Variants in FOXJ3 observed in about 807,000 individuals in gnomAD.
FOXJ3 encodes forkhead box J3, also known as forkhead box protein J3.
FOXJ3 carries 22 observed loss-of-function variants against 76.1 expected under a neutral mutation model. The observed-to-expected ratio is 0.29, with a 90% CI of 0.21 to 0.41. FOXJ3 has a LOEUF of 0.41. Among genes scored for constraint, FOXJ3 ranks in the 10% least tolerant of loss-of-function variants. FOXJ3 has a pLI of 1.00. For synonymous variants in FOXJ3, 269 were observed against 261.2 expected (o/e 1.03, Z -0.29); for missense variants, 613 against 762.1 (o/e 0.80, Z 2.30).
intron 4 of FOXJ3, among the ~76,000 whole-genome samples, chr1:42,257,270 A>G (rs953430878): frequency 6.6e-6 from 1 of 152,230 alleles, no homozygotes; most frequent in Non-Finnish European, 1.5e-5. Flanking sequence ...CCAAAAATCA[A>G]TCAAGATACC....
Position 42,278,458 on chromosome 1 carries a change from T to C in FOXJ3, c.259A>G (p.Ile87Val). The change falls in exon 3 of 13, where the codon ATT (isoleucine) becomes GTT (valine). Residue 87 changes from isoleucine to valine, a missense_variant. Ile to Val is a conservative substitution (Grantham distance 29). Around this residue, in one of 3 missense-constraint regions of FOXJ3, gnomAD observed 77 missense variants for 115.1 expected, o/e 0.67. Coordinates refer to ENST00000361346, the MANE Select transcript of FOXJ3 (RefSeq NM_014947.5). ...GKPPYSYASL[I>V]TFAINSSPKK... ...GGTGAGCTATTAATTGCAAATGTAATGAGGCTGGCATAACTGTATGGAGGT... is the reference window on the plus strand; with the variant it reads ...GGTGAGCTATTAATTGCAAATGTAACGAGGCTGGCATAACTGTATGGAGGT... 1 of 1,614,056 alleles carries C rather than the reference T, an allele frequency of 6.2e-7. No homozygotes were observed. Among genetic ancestry groups the C allele is most frequent in the Non-Finnish European group, 8.5e-7 (1 of 1,179,880 alleles).
intron 8 of FOXJ3, among the ~76,000 whole-genome samples, chr1:42,192,822 T>TA (rs572033162): frequency 6.6e-6 from 1 of 151,182 alleles, no homozygotes; most frequent in African/African-American, 2.4e-5. Context: ...TTAAAAAAGA[T>TA]AAAATTATTC....
At chr1:42,298,162 G>A (rs556986530) in intron 2 of FOXJ3, among the ~76,000 whole-genome samples, 6 of 152,290 alleles carry the variant, frequency 3.9e-5, no homozygotes, top group Admixed American at 1.3e-4. Context: ...GCCGCCATGT[G>A]AAGAACATGT....
At chr1:42,289,951 G>A (rs538669885) in intron 2 of FOXJ3, among the ~76,000 whole-genome samples, 22 of 152,182 alleles carry the variant, frequency 1.4e-4, no homozygotes, top group African/African-American at 5.3e-4. Context: ...GGGGTAAGTA[G>A]AGAAAGCTGG....
intron 4 of FOXJ3, among the ~76,000 whole-genome samples, chr1:42,230,971 A>G (rs1056075681): frequency 3.3e-5 from 5 of 152,158 alleles, no homozygotes; most frequent in Admixed American, 3.3e-4. Context: ...ATAAATGGAT[A>G]AACAAATATG....
At chr1:42,238,957 G>A (rs754200509) in intron 4 of FOXJ3, among the ~76,000 whole-genome samples, 20 of 152,282 alleles carry the variant, frequency 1.3e-4, no homozygotes, top group Non-Finnish European at 2.6e-4. Flanking sequence ...CATTCATGTA[G>A]ATCTGCCCTT....
intron 1 of FOXJ3, among the ~76,000 whole-genome samples, chr1:42,314,835 TC>T (rs1277111082): frequency 1.3e-5 from 2 of 152,210 alleles, no homozygotes; most frequent in Non-Finnish European, 2.9e-5. Flanking sequence ...ATTTAAATGT[TC>T]CTACAAAAAC....
At chr1:42,291,754 T>C (rs937846725) in intron 2 of FOXJ3, among the ~76,000 whole-genome samples, 7 of 152,198 alleles carry the variant, frequency 4.6e-5, no homozygotes, top group African/African-American at 1.7e-4. Flanking sequence ...TACTCCAGCC[T>C]GGGCAACAAA....
chr1:42,210,694 G>C (rs968532945), intron 5 of FOXJ3, among the ~76,000 whole-genome samples: 1 of 152,074 alleles, frequency 6.6e-6, no homozygotes, highest in Non-Finnish European at 1.5e-5. Flanking sequence ...ATCTCAAGGA[G>C]ATTTCCTTGA....
intron 4 of FOXJ3, among the ~76,000 whole-genome samples, chr1:42,263,482 CTAAT>C (rs1276271169): frequency 2.0e-5 from 3 of 152,026 alleles, no homozygotes; most frequent in African/African-American, 7.2e-5. Context: ...TTTTTAAAAT[CTAAT>C]TATCTTTTTG....
At chr1:42,286,514 T>C (rs1003519291) in intron 2 of FOXJ3, among the ~76,000 whole-genome samples, 9 of 152,232 alleles carry the variant, frequency 5.9e-5, no homozygotes, top group African/African-American at 1.4e-4. Flanking sequence ...CAAAGGACTG[T>C]TGTAAGATTA....
chr1:42,242,611 T>C (rs1371748112), intron 4 of FOXJ3, among the ~76,000 whole-genome samples: 1 of 147,898 alleles, frequency 6.8e-6, no homozygotes, highest in Non-Finnish European at 1.5e-5. Context: ...CTGCCACCAC[T>C]ACTGCCATCA....
intron 2 of FOXJ3, among the ~76,000 whole-genome samples, chr1:42,285,419 A>C (rs1652988383): frequency 1.3e-5 from 2 of 152,194 alleles, no homozygotes; most frequent in Non-Finnish European, 2.9e-5. Flanking sequence ...CATTAAAAAA[A>C]AAAAGTGTCT....
Position 42,195,040 on chromosome 1 carries a change from A to G in FOXJ3, c.784T>C (p.Ser262Pro). 1 of 1,608,014 alleles carries G rather than the reference A, an allele frequency of 6.2e-7. No homozygotes were observed. The highest frequency in any genetic ancestry group is 8.5e-7 in the Non-Finnish European group (1 of 1,178,116). ...TPVTSHPESV[S>P]QSLTPQQQPQ... ...TGCTGCTGAGGAGTTAATGATTGAG[A>G]GACTGATTCTGGATGGCTTGTCACC... Residue 262 changes from serine (S) to proline (P), a missense_variant, in exon 8 of 13, where the codon TCT becomes CCT. By Grantham distance (74) the Ser-to-Pro change is moderately conservative. Around this residue, in one of 3 missense-constraint regions of FOXJ3, gnomAD observed 526 missense variants for 601.4 expected, o/e 0.87. Transcript: ENST00000361346.
intron 4 of FOXJ3, among the ~76,000 whole-genome samples, chr1:42,257,004 G>A (rs543117114): frequency 2.0e-5 from 3 of 152,074 alleles, no homozygotes; most frequent in South Asian, 2.1e-4. Flanking sequence ...GTGAACTTAC[G>A]GAAAAAAATC....
chr1:42,279,866 T>A (rs1382286111), intron 2 of FOXJ3, among the ~76,000 whole-genome samples: 1 of 152,140 alleles, frequency 6.6e-6, no homozygotes, highest in Non-Finnish European at 1.5e-5. Flanking sequence ...CATTTGTAGC[T>A]ATGAAAATCC....
intron 2 of FOXJ3, among the ~76,000 whole-genome samples, chr1:42,290,069 G>T (rs554821425): frequency 6.6e-6 from 1 of 152,198 alleles, no homozygotes; most frequent in African/African-American, 2.4e-5. Context: ...AAAAGGCTAT[G>T]ATGTTTTAAG....
chr1:42,301,202 T>A (rs1479185910), intron 2 of FOXJ3, among the ~76,000 whole-genome samples: 3 of 152,142 alleles, frequency 2.0e-5, no homozygotes, highest in Non-Finnish European at 2.9e-5. Context: ...TTTTTCACTT[T>A]TTTTTTCTTT....
intron 6 of FOXJ3, among the ~76,000 whole-genome samples, chr1:42,203,923 G>A (rs1646810808): frequency 6.6e-6 from 1 of 151,448 alleles, no homozygotes; most frequent in Non-Finnish European, 1.5e-5. Flanking sequence ...TTGAACCCAG[G>A]AGGTGGAGGT....
Sources: gnomAD v4.1 joint callset for allele counts (sites outside exome capture counted in the v4.1 genomes callset) on GRCh38, gnomAD v4.1.1 for gene constraint, gnomAD v4.1.1 regional missense constraint, MANE v1.5 for transcripts, NCBI Gene and HGNC (gene_info 2026-07-23, HGNC 2026-07-21) for gene names.